The following ARSB variants were observed in gnomAD, a reference collection of about 807,000 sequenced individuals.
ARSB encodes N-acetylgalactosamine-4-sulfatase.
In ARSB, 41 loss-of-function variants were observed where a neutral mutation model predicts 50.9. That is an observed-to-expected ratio of 0.81 (90% CI 0.63 to 1.04). ARSB has a LOEUF of 1.04. Among genes scored for constraint, ARSB ranks in the 50% least tolerant of loss-of-function variants. ARSB has a pLI of 0.00. For missense variants in ARSB, 672 were observed against 693.3 expected (o/e 0.97, Z 0.35); for synonymous variants, 269 against 284.8 (o/e 0.94, Z 0.56).
At chr5:78,941,760 C>T (rs957521731) in intron 4 of ARSB, among the ~76,000 whole-genome samples, 10 of 152,102 alleles carry the variant, frequency 6.6e-5, no homozygotes, top group Non-Finnish European at 1.0e-4. Context: ...GGTTGTGTCT[C>T]TGCCTGGCTT....
Position 78,984,949 on chromosome 5 carries a change from A to G in ARSB, c.300T>C (p.Thr100=), listed in dbSNP as rs1753094740. The G allele has an allele frequency of 2.8e-6, 4 of 1,444,550 alleles. No individual in the cohort carries two copies. The highest frequency in any genetic ancestry group is 3.7e-6 in the Non-Finnish European group (4 of 1,095,656). 89.5% of individuals were successfully genotyped at this position (1,444,550 alleles called of 1,614,324 possible). Residue 100 remains threonine, a synonymous_variant, in exon 1 of 8, where the codon ACT becomes ACC. Transcript: ENST00000264914. ...LCTPSRSQLL[T]GRYQIRTGLQ... ...GGGCGCCGCGTACCTGGTAGCGGCC[A>G]GTGAGCAGCTGGCTCCGCGACGGCG...
chr5:78,925,392 G>A (rs1749999018), intron 4 of ARSB, among the ~76,000 whole-genome samples: 1 of 152,036 alleles, frequency 6.6e-6, no homozygotes, highest in South Asian at 2.1e-4. Context: ...ACAAATATAA[G>A]CTGACAAAGC....
intron 5 of ARSB, among the ~76,000 whole-genome samples, chr5:78,858,732 C>T (rs567156988): frequency 1.4e-4 from 22 of 152,260 alleles, no homozygotes; most frequent in African/African-American, 4.1e-4. Context: ...CTAATGAAAA[C>T]ATTGACCAAC....
chr5:78,824,475 T>C (rs984093859), intron 6 of ARSB, among the ~76,000 whole-genome samples: 1 of 152,144 alleles, frequency 6.6e-6, no homozygotes, highest in Non-Finnish European at 1.5e-5. Context: ...AGGAGTCTGT[T>C]AGAAATGCTG....
chr5:78,858,829 T>G (rs1746283346), intron 5 of ARSB, among the ~76,000 whole-genome samples: 1 of 152,230 alleles, frequency 6.6e-6, no homozygotes, highest in Admixed American at 6.5e-5. Context: ...ACCGAGTTCT[T>G]ACAATGTTCC....
At chr5:78,814,642 C>G (rs1358671272) in intron 6 of ARSB, among the ~76,000 whole-genome samples, 2 of 150,836 alleles carry the variant, frequency 1.3e-5, no homozygotes, top group African/African-American at 4.9e-5. Context: ...GCTTCTGTAG[C>G]ACCCACTGTT....
At chr5:78,893,114 T>C (rs959565636) in intron 4 of ARSB, among the ~76,000 whole-genome samples, 1 of 152,186 alleles carries the variant, frequency 6.6e-6, no homozygotes, top group Non-Finnish European at 1.5e-5. Context: ...TCACGAGAGC[T>C]GATGATTTTA....
intron 4 of ARSB, among the ~76,000 whole-genome samples, chr5:78,918,210 T>C (rs1749646054): frequency 6.6e-6 from 1 of 152,348 alleles, no homozygotes; most frequent in Non-Finnish European, 1.5e-5. Context: ...ATTACATACA[T>C]ATTAAAACCA....
At chr5:78,793,732 T>C (rs956385425) in intron 6 of ARSB, among the ~76,000 whole-genome samples, 1 of 152,138 alleles carries the variant, frequency 6.6e-6, no homozygotes, top group African/African-American at 2.4e-5. Context: ...CAAGCAGTGA[T>C]GATCAATTTT....
At chr5:78,932,327 CATT>C (rs1314430640) in intron 4 of ARSB, among the ~76,000 whole-genome samples, 1 of 152,240 alleles carries the variant, frequency 6.6e-6, no homozygotes, top group Non-Finnish European at 1.5e-5. Context: ...CTTTCTGCAT[CATT>C]ATCAGATGGA....
chr5:78,855,932 T>C (rs1170398680), intron 5 of ARSB, among the ~76,000 whole-genome samples: 1 of 152,212 alleles, frequency 6.6e-6, no homozygotes, highest in African/African-American at 2.4e-5. Flanking sequence ...AGGGTATCTG[T>C]TACTTCTCTT....
intron 4 of ARSB, among the ~76,000 whole-genome samples, chr5:78,932,535 T>C (rs1228225863): frequency 1.3e-5 from 2 of 152,228 alleles, no homozygotes; most frequent in African/African-American, 4.8e-5. Flanking sequence ...ATGGCTCCCA[T>C]ACTCTAAGCT....
At chr5:78,811,527 A>G (rs930137580) in intron 6 of ARSB, among the ~76,000 whole-genome samples, 4 of 152,264 alleles carry the variant, frequency 2.6e-5, no homozygotes, top group Non-Finnish European at 5.9e-5. Context: ...GATTTATAAA[A>G]GAATACAATT....
chr5:78,874,504 G>T (rs941247463), intron 5 of ARSB, among the ~76,000 whole-genome samples: 7 of 151,874 alleles, frequency 4.6e-5, no homozygotes, highest in African/African-American at 1.7e-4. Flanking sequence ...TAAGAAAAAA[G>T]GGACTAAGGA....
At chr5:78,867,423 A>C (rs1355694703) in intron 5 of ARSB, among the ~76,000 whole-genome samples, 2 of 152,202 alleles carry the variant, frequency 1.3e-5, no homozygotes, top group East Asian at 3.9e-4. Context: ...TCCCTGTCTG[A>C]CAGCCTTGAA....
chr5:78,807,045 G>A (rs773508252), intron 6 of ARSB, among the ~76,000 whole-genome samples: 9 of 152,224 alleles, frequency 5.9e-5, no homozygotes, highest in Non-Finnish European at 1.0e-4. Flanking sequence ...GGAAATGGCT[G>A]AGGACAATAC....
At chr5:78,942,026 C>G (rs972707659) in intron 4 of ARSB, among the ~76,000 whole-genome samples, 1 of 152,018 alleles carries the variant, frequency 6.6e-6, no homozygotes, top group African/African-American at 2.4e-5. Context: ...TGTATGTATC[C>G]AGTAATTTAT....
chr5:78,837,233 T>C (rs1304725248), intron 6 of ARSB, among the ~76,000 whole-genome samples: 1 of 152,172 alleles, frequency 6.6e-6, no homozygotes, highest in Non-Finnish European at 1.5e-5. Flanking sequence ...GTGAAGACAT[T>C]TACAACCATT....
intron 4 of ARSB, among the ~76,000 whole-genome samples, chr5:78,930,330 C>G (rs1472868021): frequency 2.0e-5 from 3 of 152,224 alleles, no homozygotes; most frequent in Middle Eastern, 6.8e-3. Flanking sequence ...TTGGTAGCTT[C>G]CACGGCAATG....
Sources: allele counts gnomAD v4.1 joint callset (sites outside exome capture counted in the v4.1 genomes callset), GRCh38; gene constraint gnomAD v4.1.1; transcripts MANE v1.5; gene names NCBI Gene and HGNC (gene_info 2026-07-23, HGNC 2026-07-21).